HHAT: variants seen among roughly 807,000 people sequenced by gnomAD.
HHAT encodes protein-cysteine N-palmitoyltransferase HHAT.
In HHAT, 47 loss-of-function variants were observed where a neutral mutation model predicts 70.8. That is an observed-to-expected ratio of 0.66 (90% confidence interval 0.53 to 0.85). The LOEUF is 0.85. Among genes scored for constraint, HHAT ranks in the 40% least tolerant of loss-of-function variants. The probability of loss-of-function intolerance (pLI) is 0.00; values close to 1 mark genes in which losing one functional copy is unlikely to be tolerated. For missense variants in HHAT, 609 were observed against 604.8 expected (o/e 1.01, Z -0.07); for synonymous variants, 228 against 247.6 (o/e 0.92, Z 0.74).
intron 8 of HHAT, among the ~76,000 whole-genome samples, chr1:210,501,464 C>T (rs1256328729): frequency 6.6e-6 from 1 of 152,200 alleles, no homozygotes; most frequent in African/African-American, 2.4e-5. Flanking sequence ...GAAGTGGAGG[C>T]ACACAAAACT....
At chr1:210,472,713 G>A (rs1305821885) in intron 8 of HHAT, among the ~76,000 whole-genome samples, 5 of 152,154 alleles carry the variant, frequency 3.3e-5, no homozygotes, top group Non-Finnish European at 7.3e-5. Context: ...GAGGTCCTGA[G>A]AACCTGTGTT....
At chr1:210,671,185 C>T (rs1352932625) in intron 11 of HHAT, among the ~76,000 whole-genome samples, 2 of 152,162 alleles carry the variant, frequency 1.3e-5, no homozygotes, top group African/African-American at 4.8e-5. Context: ...CCCCATTGGC[C>T]CATCTTCACA....
chr1:210,462,568 C>G (rs565527712), intron 7 of HHAT: 4 of 152,282 alleles, frequency 2.6e-5, no homozygotes, highest in Admixed American at 2.6e-4. Context: ...TCAGGCACGT[C>G]CAAGAATGCT....
chr1:210,558,604 G>T (rs2095593927), intron 9 of HHAT, among the ~76,000 whole-genome samples: 1 of 152,194 alleles, frequency 6.6e-6, no homozygotes, highest in African/African-American at 2.4e-5. Context: ...CTTTTTTCTT[G>T]CTGCTTTCTG....
rs181445114 is a variant in HHAT at position 210,429,035 on chromosome 1, A to G, written c.856+10710A>G. On this transcript the variant is annotated intron_variant, in intron 7 of 11. Transcript: ENST00000261458. ...CAAAAGACAAAGCTTCATAGATTAA[A>G]GAGGTTAATTATTTTTAGCTACAAT... Among the ~76,000 whole-genome samples the G allele has an allele frequency of 2.6e-5, 4 of 152,022 alleles. No individual in the cohort carries two copies. The East Asian group carries it at 7.7e-4, about 29-fold the overall frequency.
In HHAT at chr1:210,510,657, G is replaced by A. The variant is rs149930588; in HGVS notation, c.1008-2496G>A. Among the ~76,000 whole-genome samples the A allele has an allele frequency of 1.2e-4, 19 of 152,308 alleles. 1 individual carries two copies. The East Asian group carries it at 3.1e-3, about 25-fold the overall frequency. On this transcript the variant is annotated intron_variant, in intron 8 of 11. Transcript: ENST00000261458. ...GGTGCTTGGGAAGAGCAAGTAATTC[G>A]TGCATTTTAGGGTTCAGTTTGATTT...
intron 11 of HHAT, among the ~76,000 whole-genome samples, chr1:210,660,403 C>T (rs1251416197): frequency 1.3e-5 from 2 of 151,948 alleles, no homozygotes; most frequent in East Asian, 1.9e-4. Context: ...CACTGCTCAA[C>T]GAATTAAAAG....
chr1:210,407,147 G>C (rs756290532), intron 6 of HHAT, among the ~76,000 whole-genome samples: 2 of 152,138 alleles, frequency 1.3e-5, no homozygotes, highest in Non-Finnish European at 2.9e-5. Context: ...AAGGGGCAGG[G>C]GGTTAAACCA....
chr1:210,538,935 A>G (rs1362922453), intron 9 of HHAT, among the ~76,000 whole-genome samples: 1 of 152,048 alleles, frequency 6.6e-6, no homozygotes, highest in Non-Finnish European at 1.5e-5. Flanking sequence ...AAATTAGCCG[A>G]GTGAGGTGGT....
intron 10 of HHAT, among the ~76,000 whole-genome samples, chr1:210,611,391 A>G (rs1269505625): frequency 6.6e-6 from 1 of 152,196 alleles, no homozygotes; most frequent in East Asian, 1.9e-4. Context: ...GTTGCTTATC[A>G]GCTTAAGTAG....
intron 9 of HHAT, among the ~76,000 whole-genome samples, chr1:210,519,472 G>A (rs1403008594): frequency 6.6e-6 from 1 of 151,308 alleles, no homozygotes; most frequent in Non-Finnish European, 1.5e-5. Context: ...GTCACCAACA[G>A]TGTGCAATGT....
rs547544721 is a variant in HHAT, at chr1:210,485,816, G to T, written c.1007+21161G>T. ...CTCATGATTCAATTTTCTCCCACCG[G>T]GTCCCTCCCACAATACATGGAAATT... On this transcript the variant is annotated intron_variant, in intron 8 of 11. Transcript: ENST00000261458. Among the ~76,000 whole-genome samples, 262 of 152,112 alleles carry T rather than the reference G, an allele frequency of 1.7e-3. 3 individuals carry two copies. The highest frequency in any genetic ancestry group is 6.0e-3 in the African/African-American group (247 of 41,504).
chr1:210,468,176 T>G (rs1244754359), intron 8 of HHAT, among the ~76,000 whole-genome samples: 1 of 152,170 alleles, frequency 6.6e-6, no homozygotes, highest in Non-Finnish European at 1.5e-5. Flanking sequence ...CCTGAGAAAT[T>G]GATAATTTTC....
At chr1:210,514,667 A>G (rs1572961106) in intron 9 of HHAT, among the ~76,000 whole-genome samples, 1 of 152,288 alleles carries the variant, frequency 6.6e-6, no homozygotes, top group East Asian at 1.9e-4. Flanking sequence ...TTCAACAAAC[A>G]TTAGGGCTAG....
intron 8 of HHAT, among the ~76,000 whole-genome samples, chr1:210,470,122 G>A (rs1197830663): frequency 7.2e-5 from 11 of 152,140 alleles, no homozygotes; most frequent in African/African-American, 2.7e-4. Flanking sequence ...TGGGATTACA[G>A]GCATGAGACA....
intron 5 of HHAT, among the ~76,000 whole-genome samples, chr1:210,402,484 G>A (rs1249217660): frequency 6.6e-6 from 1 of 152,090 alleles, no homozygotes; most frequent in East Asian, 1.9e-4. Flanking sequence ...CCTGTCCACC[G>A]GATTCTCTTT....
At chr1:210,548,801 C>T (rs1467964726) in intron 9 of HHAT, among the ~76,000 whole-genome samples, 3 of 152,020 alleles carry the variant, frequency 2.0e-5, no homozygotes, top group Non-Finnish European at 2.9e-5. Flanking sequence ...GCAGTAGTCA[C>T]GCTGGTTGTG....
intron 3 of HHAT, among the ~76,000 whole-genome samples, chr1:210,374,763 CTTTT>C (rs34145775): frequency 1.4e-5 from 2 of 140,420 alleles, no homozygotes; most frequent in Non-Finnish European, 1.6e-5. Context: ...AGTGGGGAAT[CTTTT>C]TTTTTTTTTT....
intron 8 of HHAT, among the ~76,000 whole-genome samples, chr1:210,503,956 G>A (rs1194310783): frequency 6.6e-6 from 1 of 152,172 alleles, no homozygotes; most frequent in Non-Finnish European, 1.5e-5. Context: ...AAGATCTTGG[G>A]TTAAGCAAAG....
Sources: gnomAD v4.1 joint callset for allele counts (sites outside exome capture counted in the v4.1 genomes callset) on GRCh38, gnomAD v4.1.1 for gene constraint, MANE v1.5 for transcripts, NCBI Gene and HGNC (gene_info 2026-07-23, HGNC 2026-07-21) for gene names.